RIF1: variants seen among roughly 807,000 people sequenced by gnomAD.
The protein encoded by RIF1 is replication timing regulatory factor 1.
RIF1 carries 45 observed loss-of-function variants against 247.1 expected under a neutral mutation model. That is an observed-to-expected ratio of 0.18 (90% confidence interval 0.14 to 0.23). The LOEUF is 0.23. RIF1 is among the 10% of genes least tolerant of loss of function. The pLI is 1.00. For synonymous variants in RIF1, 1,087 were observed against 978.8 expected (o/e 1.11, Z -2.06); for missense variants, 2,967 against 2,862.5 (o/e 1.04, Z -0.83).
the RIF1 span, chr2:151,524,641 C>T: frequency 3.9e-6 from 2 of 517,756 alleles, no homozygotes; most frequent in Non-Finnish European, 3.7e-6. Context: ...AAAATGTTTA[C>T]TCAAGAGAGA....
chr2:151,534,260 C>T, the RIF1 span: 1 of 1,613,774 alleles, frequency 6.2e-7, no homozygotes. Flanking sequence ...GATGTCTAGG[C>T]TCATCGACTA....
the RIF1 span, among the ~76,000 whole-genome samples, chr2:151,530,479 A>G: frequency 6.6e-6 from 1 of 152,182 alleles, no homozygotes; most frequent in Non-Finnish European, 1.5e-5. Context: ...AGGGAGCCAT[A>G]GTGGGGTTTA....
rs2049068520 is a variant in RIF1, at chr2:151,479,243, T to C, written c.*4172T>C. 6.6e-6 allele frequency: 1 copy of C among 152,218 alleles called. No homozygotes were observed. Among genetic ancestry groups the C allele is most frequent in the Non-Finnish European group, 1.5e-5 (1 of 68,032 alleles). The allele number at this position is 152,218 out of a possible 1,614,324, so 9.4% of individuals were successfully genotyped here. A position where few individuals can be genotyped will look rare whatever the true frequency, so the allele number is the denominator to read the frequency against. On this transcript the variant is annotated 3_prime_UTR_variant, in exon 36 of 36. Transcript: ENST00000444746. ...GGGGATGCAGACTGGTTTTGAAGGCTTAAAGTTCAAAAATTATAAGAAAGT... is the reference window on the plus strand; with the variant it reads ...GGGGATGCAGACTGGTTTTGAAGGCCTAAAGTTCAAAAATTATAAGAAAGT...
At chr2:151,526,349 G>A in the RIF1 span, 3 of 904,930 alleles carry the variant, frequency 3.3e-6, no homozygotes, top group Non-Finnish European at 5.4e-6. Context: ...TAGAACAGCA[G>A]CGTTGACAAT....
Position 151,468,523 on chromosome 2 carries a change from C to G in RIF1, c.6797C>G (p.Pro2266Arg). ...KGFLSPGSRS[P>R]KFKSSKKCLI... ...TTTCTGTCCCCAGGATCACGTAGCC[C>G]TAAATTTAAGAGCTCAAAGAAGTGT... Residue 2266 changes from proline (P) to arginine (R), a missense_variant, in exon 32 of 36, where the codon CCT becomes CGT. Transcript: ENST00000444746. 6.2e-7 allele frequency: 1 copy of G among 1,613,506 alleles called. No individual in the cohort carries two copies. The highest frequency in any genetic ancestry group is 1.3e-5 in the African/African-American group (1 of 74,982).
At chr2:151,437,220 T>G in intron 12 of RIF1, 21 bp from the exon 13 acceptor site, 1 of 1,544,324 alleles carries the variant, frequency 6.5e-7, no homozygotes, top group Non-Finnish European at 8.9e-7. Context: ...TACATAATTA[T>G]CTTTTATTCT....
chr2:151,469,322 G>A (rs1697437902), intron 33 of RIF1, among the ~76,000 whole-genome samples: 2 of 152,124 alleles, frequency 1.3e-5, no homozygotes, highest in South Asian at 2.1e-4. Flanking sequence ...CTGCCCTGTC[G>A]TAGCATAATC....
In RIF1 at chr2:151,479,905, AATAAGT is replaced by A. The variant is rs1380782475; in HGVS notation, c.*4838_*4843del. On this transcript the variant is annotated 3_prime_UTR_variant, in exon 36 of 36. Coordinates refer to ENST00000444746, the MANE Select transcript of RIF1 (RefSeq NM_018151.5). ...GTTTCGTGCTTTCTGATGTCCAGTTAATAAGTATATTATGTGCCAGGCTTTACATAT... is the reference window on the plus strand; with the variant it reads ...GTTTCGTGCTTTCTGATGTCCAGTTAATATTATGTGCCAGGCTTTACATAT... The A allele has an allele frequency of 1.3e-5, 2 of 152,214 alleles. No individual in the cohort carries two copies. Among genetic ancestry groups the A allele is most frequent in the Non-Finnish European group, 2.9e-5 (2 of 68,024 alleles). 9.4% of individuals were successfully genotyped at this position (152,214 alleles called of 1,614,324 possible).
intron 30 of RIF1, 68 bp downstream of exon 30, chr2:151,466,188 C>A (rs1416784030): frequency 1.2e-6 from 1 of 843,418 alleles, no homozygotes; most frequent in African/African-American, 1.7e-5. Context: ...CATACAGTGA[C>A]CTCTGGTGAA....
At chr2:151,471,696 T>C (rs1276003654) in intron 34 of RIF1, among the ~76,000 whole-genome samples, 1 of 152,208 alleles carries the variant, frequency 6.6e-6, no homozygotes, top group East Asian at 1.9e-4. Context: ...GTGGTATTAT[T>C]TCTGAGGGCT....
rs142917969 is a variant in RIF1, at chr2:151,436,080, C to T, written c.1195+500C>T. On this transcript the variant is annotated intron_variant, in intron 11 of 35. Transcript: ENST00000444746. ...CTCTACTGAAAATAAAAAAATTAGC[C>T]GGGCGTGGTCGTGGGCCCCTGTAAT... Among the ~76,000 whole-genome samples, 442 of 152,074 alleles carry T rather than the reference C, an allele frequency of 2.9e-3. 1 individual carries two copies. The highest frequency in any genetic ancestry group is 0.01 in the African/African-American group (419 of 41,486).
the RIF1 span, among the ~76,000 whole-genome samples, chr2:151,528,819 A>G: frequency 6.6e-6 from 1 of 152,202 alleles, no homozygotes; most frequent in Non-Finnish European, 1.5e-5. Flanking sequence ...CAAATGGCTC[A>G]ATGTTTTCTT....
intron 15 of RIF1, among the ~76,000 whole-genome samples, chr2:151,441,499 G>C (rs915126819): frequency 6.6e-6 from 1 of 152,164 alleles, no homozygotes; most frequent in African/African-American, 2.4e-5. Flanking sequence ...TAAAATGAAG[G>C]TTAGTTGCAG....
chr2:151,524,303 TG>T, the RIF1 span: 7 of 1,612,136 alleles, frequency 4.3e-6, no homozygotes, highest in Admixed American at 1.2e-4. Flanking sequence ...TGCACCCATC[TG>T]CATTACCTGG....
intron 15 of RIF1, among the ~76,000 whole-genome samples, chr2:151,441,577 G>C (rs779179659): frequency 6.6e-6 from 1 of 152,184 alleles, no homozygotes; most frequent in African/African-American, 2.4e-5. Context: ...TGTATAACTG[G>C]CTGCCCAAGA....
At position 151,481,560 on chromosome 2, in the gene RIF1, A is replaced by G. The variant is rs2049168808; in HGVS notation, c.*6489A>G. On this transcript the variant is annotated 3_prime_UTR_variant, in exon 36 of 36. Coordinates refer to ENST00000444746, the MANE Select transcript of RIF1 (RefSeq NM_018151.5). ...ACCCTCTAATATTGTTGTCCCGATC[A>G]TTTGGTAAACGCTAAGAGAGCTTAG... The G allele has an allele frequency of 1.3e-5, 2 of 152,228 alleles. No homozygotes were observed. The highest frequency in any genetic ancestry group is 4.8e-5 in the African/African-American group (2 of 41,460). 9.4% of individuals were successfully genotyped at this position (152,228 alleles called of 1,614,324 possible). A position where few individuals can be genotyped will look rare whatever the true frequency, so the allele number is the denominator to read the frequency against.
intron 10 of RIF1, chr2:151,498,073 TAAATATCAGATG>T (rs770234498): frequency 9.4e-5 from 138 of 1,461,786 alleles, no homozygotes; most frequent in Non-Finnish European, 1.2e-4. Flanking sequence ...TGTTTGTTTG[TAAATATCAGATG>T]AAGTAAAAAA....
intron 10 of RIF1, chr2:151,498,037 T>G (rs569936628): frequency 6.9e-7 from 1 of 1,445,338 alleles, no homozygotes; most frequent in Non-Finnish European, 9.1e-7. Context: ...TCCACACAAA[T>G]GGAAACATTC....
At chr2:151,448,679 A>G (rs189339923) in intron 20 of RIF1, among the ~76,000 whole-genome samples, 222 of 152,210 alleles carry the variant, frequency 1.5e-3, no homozygotes, top group African/African-American at 5.0e-3. Flanking sequence ...TTTTTGTTGT[A>G]TAGCATCTTA....
Sources: allele counts gnomAD v4.1 joint callset (sites outside exome capture counted in the v4.1 genomes callset), GRCh38; gene constraint gnomAD v4.1.1; transcripts MANE v1.5; gene names NCBI Gene and HGNC (gene_info 2026-07-23, HGNC 2026-07-21).